Variants in MYO16 observed in about 807,000 individuals in gnomAD.
MYO16 encodes unconventional myosin-XVI.
MYO16 carries 94 observed loss-of-function variants against 205.3 expected under a neutral mutation model. That is an observed-to-expected ratio of 0.46 (90% CI 0.39 to 0.54). The LOEUF (loss-of-function observed/expected upper bound fraction) is 0.54. Ranked by LOEUF, MYO16 falls within the 20% of genes least tolerant of loss-of-function variation. The pLI is 0.00. For synonymous variants in MYO16, 988 were observed against 954.0 expected (o/e 1.04, Z -0.66); for missense variants, 2,315 against 2,387.5 (o/e 0.97, Z 0.63).
chr13:108,636,692 T>TTTTTG (rs1880269010), intron 1 of MYO16, among the ~76,000 whole-genome samples: 2 of 152,134 alleles, frequency 1.3e-5, no homozygotes, highest in African/African-American at 2.4e-5. Flanking sequence ...GTTGTTTTTA[T>TTTTTG]TTTTGTTTTG....
intron 22 of MYO16, among the ~76,000 whole-genome samples, chr13:109,009,259 TATC>T (rs1885512088): frequency 6.6e-6 from 1 of 152,148 alleles, no homozygotes; most frequent in South Asian, 2.1e-4. Flanking sequence ...GACAAGAAAA[TATC>T]ATTTTGATAT....
chr13:109,204,467 G>A (rs1880521085), intron 34 of MYO16, among the ~76,000 whole-genome samples: 1 of 152,108 alleles, frequency 6.6e-6, no homozygotes, highest in Non-Finnish European at 1.5e-5. Context: ...GGAGGATGAC[G>A]GAGGAGCTGG....
At chr13:109,027,175 T>C (rs1292696742) in intron 23 of MYO16, among the ~76,000 whole-genome samples, 1 of 152,176 alleles carries the variant, frequency 6.6e-6, no homozygotes, top group Non-Finnish European at 1.5e-5. Context: ...TTGGCATTCC[T>C]GCCTTACAGA....
intron 16 of MYO16, among the ~76,000 whole-genome samples, chr13:108,942,044 A>T (rs1330647640): frequency 6.6e-6 from 1 of 152,220 alleles, no homozygotes; most frequent in Non-Finnish European, 1.5e-5. Context: ...GCACAAATAT[A>T]ATTGTATTTG....
chr13:108,914,642 A>G (rs1881408878), intron 16 of MYO16, among the ~76,000 whole-genome samples: 1 of 152,126 alleles, frequency 6.6e-6, no homozygotes, highest in Admixed American at 6.5e-5. Context: ...AGAAGAAAAC[A>G]TTGCTGTAAT....
At chr13:108,663,168 G>A in intron 1 of MYO16, among the ~76,000 whole-genome samples, 1 of 152,180 alleles carries the variant, frequency 6.6e-6, no homozygotes, top group Non-Finnish European at 1.5e-5. Flanking sequence ...TCTCGGGATT[G>A]CTGGTTTCTT....
chr13:108,553,802 C>T, the MYO16 span, among the ~76,000 whole-genome samples: 2 of 152,036 alleles, frequency 1.3e-5, no homozygotes, highest in South Asian at 2.1e-4. Flanking sequence ...GTCTTCTTAG[C>T]ACAGCCTTCT....
intron 32 of MYO16, among the ~76,000 whole-genome samples, chr13:109,157,115 C>A (rs55693518): frequency 6.6e-6 from 1 of 151,912 alleles, no homozygotes; most frequent in African/African-American, 2.4e-5. Context: ...TGGGATTGAA[C>A]TCAGCTTCCT....
Position 109,008,888 on chromosome 13 carries a change from C to A in MYO16, c.2443-9C>A. 6.2e-7 allele frequency: 1 copy of A among 1,611,612 alleles called. No individual in the cohort carries two copies. The highest frequency in any genetic ancestry group is 8.5e-7 in the Non-Finnish European group (1 of 1,179,026). ...CTGGTGAAATGTTTTCTTGTTTTCT[C>A]CACAACAGCTTTGTGTCAACATGAC... On this transcript the variant is annotated splice_polypyrimidine_tract_variant and intron_variant, in intron 21 of 34. Coordinates refer to ENST00000457511, the MANE Select transcript of MYO16 (RefSeq NM_001198950.3).
chr13:108,939,844 G>A (rs72654042), intron 16 of MYO16, among the ~76,000 whole-genome samples: 7,040 of 152,036 alleles, frequency 0.046, 303 homozygotes, highest in Admixed American at 0.13. Context: ...TACGTGATGC[G>A]TCATATATAT....
chr13:108,504,729 G>T, the MYO16 span, among the ~76,000 whole-genome samples: 7 of 151,148 alleles, frequency 4.6e-5, no homozygotes, highest in Non-Finnish European at 8.8e-5. Context: ...AGAGACGGGG[G>T]TTTCACCATG....
rs780625120 is a variant in MYO16 at position 109,125,083 on chromosome 13, T to C, written c.3536-29T>C. 3 of 1,606,010 alleles carry C rather than the reference T, an allele frequency of 1.9e-6. No individual in the cohort carries two copies. Among genetic ancestry groups the C allele is most frequent in the East Asian group, 4.5e-5 (2 of 44,808 alleles). On this transcript the variant is annotated intron_variant, in intron 29 of 34. Coordinates refer to ENST00000457511, the MANE Select transcript of MYO16 (RefSeq NM_001198950.3). This position sits in a 1 kb window ranked among gnomAD's most constrained non-coding sequence, Gnocchi z 4.0. ...GTCTGAGTTTTTCACTTTTCCTCCA[T>C]TTACTAACCCATGATCCTTCTATAA...
At chr13:108,548,216 A>ATGG in the MYO16 span, among the ~76,000 whole-genome samples, 206 of 145,088 alleles carry the variant, frequency 1.4e-3, 1 homozygote, top group African/African-American at 3.9e-3. Flanking sequence ...AATGATGATG[A>ATGG]TGGTGGTGGT....
intron 16 of MYO16, among the ~76,000 whole-genome samples, chr13:108,944,648 G>A (rs1882863709): frequency 6.6e-6 from 1 of 152,166 alleles, no homozygotes; most frequent in Non-Finnish European, 1.5e-5. Context: ...AAGATAGTAT[G>A]AGAGCGATTA....
At chr13:109,178,290 C>A (rs769486996) in intron 33 of MYO16, among the ~76,000 whole-genome samples, 1 of 151,898 alleles carries the variant, frequency 6.6e-6, no homozygotes, top group Non-Finnish European at 1.5e-5. Context: ...AGCAAGAGAC[C>A]CCCCCCACCC....
chr13:108,997,322 A>G (rs146275425), intron 21 of MYO16, among the ~76,000 whole-genome samples: 30 of 12,324 alleles, frequency 2.4e-3, no homozygotes, highest in East Asian at 0.018. Flanking sequence ...GAAAGAAAGA[A>G]AGAAAGAAAG....
intron 22 of MYO16, among the ~76,000 whole-genome samples, chr13:109,012,912 G>A (rs144549237): frequency 0.012 from 1,884 of 151,276 alleles, 41 homozygotes; most frequent in African/African-American, 0.044. Flanking sequence ...GAATATCACA[G>A]TCACTTCTCC....
At chr13:109,185,530 T>C (rs1418056743) in intron 34 of MYO16, among the ~76,000 whole-genome samples, 1 of 152,226 alleles carries the variant, frequency 6.6e-6, no homozygotes, top group Non-Finnish European at 1.5e-5. Flanking sequence ...GAGATTAGAT[T>C]GGATCAAGAG....
chr13:109,167,246 G>T (rs1878710694), intron 33 of MYO16: 1 of 152,200 alleles, frequency 6.6e-6, no homozygotes, highest in African/African-American at 2.4e-5. Flanking sequence ...GGGAGTCCGT[G>T]AGTGCCTGGA....
Sources: gnomAD v4.1 joint callset for allele counts (sites outside exome capture counted in the v4.1 genomes callset) on GRCh38, gnomAD v4.1.1 for gene constraint, Gnocchi (gnomAD v3.1) non-coding constraint, MANE v1.5 for transcripts, NCBI Gene and HGNC (gene_info 2026-07-23, HGNC 2026-07-21) for gene names.